The following MUC4 variants were observed in gnomAD, a reference collection of about 807,000 sequenced individuals.
The protein encoded by MUC4 is mucin 4, cell surface associated, also known as mucin-4.
In MUC4, 202 loss-of-function variants were observed where a neutral mutation model predicts 257.9. The observed-to-expected ratio is 0.78, with a 90% CI of 0.70 to 0.88. MUC4 has a LOEUF of 0.88. Ranked by LOEUF, MUC4 falls within the 40% of genes least tolerant of loss-of-function variation. The pLI, the probability that MUC4 is intolerant of heterozygous loss-of-function variation, is 0.00. For missense variants in MUC4, 5,976 were observed against 6,513.7 expected (o/e 0.92, Z 2.84); for synonymous variants, 2,351 against 2,757.1 (o/e 0.85, Z 4.62).
chr3:195,755,142 G>A lies in MUC4; in HGVS notation c.15169-770C>T, dbSNP rs916481071. ...AGCCATCCTCCCACCTCAGCCTCCCGAGGAGCTGGGGCTACAGGCATGCAC... is the reference window on the plus strand; with the variant it reads ...AGCCATCCTCCCACCTCAGCCTCCCAAGGAGCTGGGGCTACAGGCATGCAC... On this transcript the variant is annotated intron_variant, in intron 18 of 24. Transcript: ENST00000463781. This position sits in a 1 kb window ranked among gnomAD's most constrained non-coding sequence, Gnocchi z 5.0. 6.6e-6 allele frequency among the ~76,000 whole-genome samples: 1 copy of A among 151,520 alleles called. No homozygotes were observed. The highest frequency in any genetic ancestry group is 1.5e-5 in the Non-Finnish European group (1 of 67,884).
chr3:195,778,124 A>G (rs138458618), intron 3 of MUC4, among the ~76,000 whole-genome samples, 179 bp downstream of exon 3: 5 of 152,288 alleles, frequency 3.3e-5, no homozygotes, highest in South Asian at 2.1e-4. Flanking sequence ...CTCTGTCTCC[A>G]GCTCCTGGCC....
intron 1 of MUC4, among the ~76,000 whole-genome samples, chr3:195,803,748 G>A (rs572500987): frequency 2.6e-5 from 4 of 152,364 alleles, no homozygotes; most frequent in African/African-American, 9.6e-5. Context: ...TAGCAGGGCC[G>A]GGGGCTCGGG....
In MUC4 at chr3:195,754,240, G is replaced by A; in HGVS notation, c.15301C>T (p.Leu5101=). The part of the protein sequence containing the change: ...GKGCEACPPN[L]TGDGRHCAAL... ...GCACAGTGCCGCCCATCCCCAGTCAGGTTTGGAGGGCAGGCCTCGCAGCCC... is the reference window on the plus strand; with the variant it reads ...GCACAGTGCCGCCCATCCCCAGTCAAGTTTGGAGGGCAGGCCTCGCAGCCC... Residue 5101 remains leucine (L), a synonymous_variant, in exon 19 of 25, where the codon CTG becomes TTG. Coordinates refer to ENST00000463781, the MANE Select transcript of MUC4 (RefSeq NM_018406.7). 5 of 1,613,798 alleles carry A rather than the reference G, an allele frequency of 3.1e-6. No individual in the cohort carries two copies. Among genetic ancestry groups the A allele is most frequent in the Non-Finnish European group, 4.2e-6 (5 of 1,179,916 alleles).
At chr3:195,752,505 A>C in intron 20 of MUC4, 59 bp from the exon 21 acceptor site, 2 of 1,501,014 alleles carry the variant, frequency 1.3e-6, no homozygotes, top group Non-Finnish European at 1.9e-6. Context: ...CTTACCCAAA[A>C]AGTCTGTCGG....
intron 16 of MUC4, among the ~76,000 whole-genome samples, 156 bp from the exon 17 acceptor site, chr3:195,759,417 C>T (rs1429574222): frequency 1.3e-5 from 2 of 152,186 alleles, no homozygotes; most frequent in Admixed American, 6.5e-5. Context: ...TCTCGACTGA[C>T]GCACAGCAGG....
Position 195,788,671 on chromosome 3 carries a change from A to G in MUC4, c.2909T>C (p.Leu970Pro). 1 of 1,581,308 alleles carries G rather than the reference A, an allele frequency of 6.3e-7. No homozygotes were observed. Among genetic ancestry groups the G allele is most frequent in the Non-Finnish European group, 8.5e-7 (1 of 1,172,310 alleles). The change falls in exon 2 of 25, where the codon CTC (leucine) becomes CCC (proline). Residue 970 changes from leucine to proline, a missense_variant. Physicochemically the swap from Leu to Pro is moderately conservative, Grantham distance 98 (BLOSUM62 -3). Around this residue, in one of 44 missense-constraint regions of MUC4, gnomAD observed 1,583 missense variants for 1,257.4 expected, o/e 1.26. Transcript: ENST00000463781. ...AGGAAGAGGGGTGGCGTTGCTGATG[A>G]GGGCCGTGGTGAAGGTTTTACCAGA... The part of the protein sequence containing the change: ...SGSGKTFTTA[L>P]ISNATPLPVT...
Position 195,751,393 on chromosome 3 carries a change from G to C in MUC4, c.15583-122C>G, listed in dbSNP as rs1716410826. 4 of 753,528 alleles carry C rather than the reference G, an allele frequency of 5.3e-6. No homozygotes were observed. The East Asian group carries it at 8.0e-5, about 15-fold the overall frequency. 46.7% of individuals were successfully genotyped at this position (753,528 alleles called of 1,614,324 possible). A position where few individuals can be genotyped will look rare whatever the true frequency, so the allele number is the denominator to read the frequency against. ...CTGGAACGGGAGCCCCAGGACCCCA[G>C]CACCTTCCTCACCTGTCTCTGCACC... On this transcript the variant is annotated intron_variant, in intron 21 of 24. Coordinates refer to ENST00000463781, the MANE Select transcript of MUC4 (RefSeq NM_018406.7).
rs553047102 is a variant in MUC4 at position 195,789,468 on chromosome 3, G to A, written c.2112C>T (p.His704=). Residue 704 remains histidine (H), a synonymous_variant, in exon 2 of 25, where the codon CAC becomes CAT. Coordinates refer to ENST00000463781, the MANE Select transcript of MUC4 (RefSeq NM_018406.7). ...GTGCTGTGGTCGGGGCCTGGGTTGT[G>A]TGACCATCCCCGGTGGGAGCTGGGG... ...TFAPAPTGDG[H]TTQAPTTALQ... 7 of 1,614,008 alleles carry A rather than the reference G, an allele frequency of 4.3e-6. No homozygotes were observed. The Admixed American group carries it at 1.2e-4, about 27-fold the overall frequency.
In MUC4 at chr3:195,782,125, G is replaced by T. The variant is rs1363613706; in HGVS notation, c.9455C>A (p.Pro3152His). ...TSSASTGDTTPLPVTDTSSAS... is the reference protein window; with the variant it reads ...TSSASTGDTTHLPVTDTSSAS... Reference sequence around the variant, plus strand: ...TGAGGAAGTGTCGGTGACAGGAAGAGGGGTGGTGTCACCTGTGGATGCTGA... The same window carrying T: ...TGAGGAAGTGTCGGTGACAGGAAGATGGGTGGTGTCACCTGTGGATGCTGA... The change falls in exon 2 of 25, where the codon CCT becomes CAT. Residue 3152 changes from proline to histidine, a missense_variant. Physicochemically the swap from Pro to His is moderately conservative, Grantham distance 77. This residue lies in a region of MUC4 where 128 missense variants were observed against 104.8 expected (regional missense o/e 1.22). Coordinates refer to ENST00000463781, the MANE Select transcript of MUC4 (RefSeq NM_018406.7). 3.7e-6 allele frequency: 5 copies of T among 1,365,974 alleles called. No individual in the cohort carries two copies. The highest frequency in any genetic ancestry group is 4.0e-5 in the East Asian group (1 of 24,874). The allele number at this position is 1,365,974 out of a possible 1,614,324, so 84.6% of individuals were successfully genotyped here.
Position 195,784,695 on chromosome 3 carries a change from G to C in MUC4, c.6885C>G (p.Ser2295=), listed in dbSNP as rs1156649203. ...DTTPLPVTSP[S]SASTGHATPL... is the part of the protein sequence containing the mutation. Reference sequence around the variant, plus strand: ...GGGTGGCGTGACCTGTGGATGCTGAGGAAGGGCTAGTGACAGGAAGAGGAG... The same window carrying C: ...GGGTGGCGTGACCTGTGGATGCTGACGAAGGGCTAGTGACAGGAAGAGGAG... The change falls in exon 2 of 25, where the codon TCC becomes TCG. Residue 2295 remains serine, a synonymous_variant. Coordinates refer to ENST00000463781, the MANE Select transcript of MUC4 (RefSeq NM_018406.7). 1 of 1,455,118 alleles carries C rather than the reference G, an allele frequency of 6.9e-7. No individual in the cohort carries two copies. 90.1% of individuals were successfully genotyped at this position (1,455,118 alleles called of 1,614,324 possible). A position where few individuals can be genotyped will look rare whatever the true frequency, so the allele number is the denominator to read the frequency against.
At position 195,779,576 on chromosome 3, in the gene MUC4, G is replaced by A; in HGVS notation, c.12004C>T (p.Pro4002Ser). The A allele has an allele frequency of 6.9e-7, 1 of 1,446,168 alleles. No homozygotes were observed. The highest frequency in any genetic ancestry group is 9.2e-7 in the Non-Finnish European group (1 of 1,083,646). The allele number at this position is 1,446,168 out of a possible 1,614,324, so 89.6% of individuals were successfully genotyped here. The part of the protein sequence containing the change: ...SVSTGHATPL[P>S]VTSTSSVSTG... ...GATACTGAGGAAGTGCTGGTGACAGGAAGAGGGGTGGCGTGACCTGTGGAT... is the reference window on the plus strand; with the variant it reads ...GATACTGAGGAAGTGCTGGTGACAGAAAGAGGGGTGGCGTGACCTGTGGAT... The change falls in exon 2 of 25, where the codon CCT becomes TCT. Residue 4002 changes from proline to serine, a missense_variant. By Grantham distance (74) the Pro-to-Ser change is moderately conservative. Around this residue, in one of 44 missense-constraint regions of MUC4, gnomAD observed 293 missense variants for 294.5 expected, o/e 1.00. Coordinates refer to ENST00000463781, the MANE Select transcript of MUC4 (RefSeq NM_018406.7).
chr3:195,754,912 TC>T (rs1560227456), intron 18 of MUC4, among the ~76,000 whole-genome samples: 1 of 150,336 alleles, frequency 6.7e-6, no homozygotes, highest in African/African-American at 2.5e-5. Flanking sequence ...TATGTGTGTG[TC>T]ATGCATGTAT....
rs1164222487 is a variant in MUC4 at position 195,780,747 on chromosome 3, T to C, written c.10833A>G (p.Thr3611=). The change falls in exon 2 of 25, where the codon ACA becomes ACG. Residue 3611 remains threonine, a synonymous_variant. Coordinates refer to ENST00000463781, the MANE Select transcript of MUC4 (RefSeq NM_018406.7). ...LPVTDTSSAS[T]GDTTRLPVTD... is the part of the protein sequence containing the mutation. The stretch of plus-strand genomic sequence containing the variant: ...TGACAGGAAGACGGGTGGTGTCACC[T>C]GTGGATGCTGAGGAAGTGTCGGTGA... 6.7e-7 allele frequency: 1 copy of C among 1,487,272 alleles called. No homozygotes were observed. The highest frequency in any genetic ancestry group is 8.9e-7 in the Non-Finnish European group (1 of 1,127,658). 92.1% of individuals were successfully genotyped at this position (1,487,272 alleles called of 1,614,324 possible). A position where few individuals can be genotyped will look rare whatever the true frequency, so the allele number is the denominator to read the frequency against.
intron 7 of MUC4, among the ~76,000 whole-genome samples, chr3:195,768,266 GA>G (rs1459317136): frequency 6.6e-6 from 1 of 152,166 alleles, no homozygotes; most frequent in Non-Finnish European, 1.5e-5. Context: ...CTCAATGTAA[GA>G]GAAGACATTT....
rs1719138292 is a variant in MUC4 at position 195,762,229 on chromosome 3, T to C, written c.14370A>G (p.Gly4790=). The C allele has an allele frequency of 1.9e-6, 3 of 1,589,124 alleles. No homozygotes were observed. Among genetic ancestry groups the C allele is most frequent in the African/African-American group, 2.7e-5 (2 of 74,288 alleles). The change falls in exon 14 of 25, where the codon GGA becomes GGG. Residue 4790 remains glycine (G), a synonymous_variant. Transcript: ENST00000463781. ...CAGAGCCGTTGCGGCTCAGGAGGACTCCGGTGGCGTTGAACGTCTCCTGGC... is the reference window on the plus strand; with the variant it reads ...CAGAGCCGTTGCGGCTCAGGAGGACCCCGGTGGCGTTGAACGTCTCCTGGC... The part of the protein sequence containing the change: ...GGGQETFNAT[G]VLLSRNGSEV...
intron 1 of MUC4, among the ~76,000 whole-genome samples, chr3:195,803,352 G>A (rs1056028005): frequency 2.0e-5 from 3 of 152,164 alleles, no homozygotes; most frequent in African/African-American, 7.2e-5. Flanking sequence ...GTAGAAATCT[G>A]GCTGCTTCCC....
rs1717466588 is a variant in MUC4, at chr3:195,755,379, A to G, written c.15169-1007T>C. ...CCCAGCTAATTTTTTGATTTTTAGTAGAGACAGGGTCTTGCCATATTGCCC... is the reference window on the plus strand; with the variant it reads ...CCCAGCTAATTTTTTGATTTTTAGTGGAGACAGGGTCTTGCCATATTGCCC... On this transcript the variant is annotated intron_variant, in intron 18 of 24. Transcript: ENST00000463781. The surrounding 1 kb of genome is among the most constrained non-coding windows in gnomAD (Gnocchi z 5.0). 1.3e-5 allele frequency among the ~76,000 whole-genome samples: 2 copies of G among 151,732 alleles called. No homozygotes were observed. Among genetic ancestry groups the G allele is most frequent in the Admixed American group, 6.6e-5 (1 of 15,226 alleles).
In MUC4 at chr3:195,786,406, T is replaced by A; in HGVS notation, c.5174A>T (p.Asp1725Val). Reference sequence around the variant, plus strand: ...GCTAGTGACAGGAAGAGGCGTGGTGTCACCTGTGGATACTGAGGAAAGGCT... The same window carrying A: ...GCTAGTGACAGGAAGAGGCGTGGTGACACCTGTGGATACTGAGGAAAGGCT... ...VTSLSSVSTG[D>V]TTPLPVTSPS... The change falls in exon 2 of 25, where the codon GAC becomes GTC. Residue 1725 changes from aspartate (D) to valine (V), a missense_variant. Physicochemically the swap from Asp to Val is radical, Grantham distance 152. Around this residue, in one of 44 missense-constraint regions of MUC4, gnomAD observed 138 missense variants for 107.8 expected, o/e 1.28. Transcript: ENST00000463781. The A allele has an allele frequency of 1.3e-6, 2 of 1,530,572 alleles. No homozygotes were observed. Among genetic ancestry groups the A allele is most frequent in the Non-Finnish European group, 1.8e-6 (2 of 1,135,898 alleles). The allele number at this position is 1,530,572 out of a possible 1,614,324, so 94.8% of individuals were successfully genotyped here.
At position 195,769,036 on chromosome 3, in the gene MUC4, G is replaced by A. The variant is rs1278453579; in HGVS notation, c.13515C>T (p.Leu4505=). The change falls in exon 7 of 25, where the codon CTC becomes CTT. Residue 4505 remains leucine, a synonymous_variant. Coordinates refer to ENST00000463781, the MANE Select transcript of MUC4 (RefSeq NM_018406.7). ...TCCCATCCTACCTAGAGAAGCCCAT[G>A]AGCACCGGGTTGCCTGAGCGCTGGG... is the stretch of plus-strand genomic sequence containing the variant. The part of the protein sequence containing the change: ...DVAQRSGNPV[L]MGFSSGDGYF... The A allele has an allele frequency of 6.2e-7, 1 of 1,613,570 alleles. No homozygotes were observed. Among genetic ancestry groups the A allele is most frequent in the Non-Finnish European group, 8.5e-7 (1 of 1,179,602 alleles).
Sources: allele counts gnomAD v4.1 joint callset (sites outside exome capture counted in the v4.1 genomes callset), GRCh38; gene constraint gnomAD v4.1.1; regional missense constraint gnomAD v4.1.1; non-coding constraint Gnocchi (gnomAD v3.1); transcripts MANE v1.5; gene names NCBI Gene and HGNC (gene_info 2026-07-23, HGNC 2026-07-21).